Variants in RTF2 observed in about 807,000 individuals in gnomAD.
RTF2 encodes UPF0549 protein C20orf43.
A neutral mutation model predicts 38.0 loss-of-function variants in RTF2; 18 were observed. That is an observed-to-expected ratio of 0.47 (90% CI 0.33 to 0.70). The LOEUF is 0.70. RTF2 is among the 30% of genes least tolerant of loss of function. The pLI, the probability that RTF2 is intolerant of heterozygous loss-of-function variation, is 0.02. For missense variants in RTF2, 311 were observed against 379.6 expected (o/e 0.82, Z 1.50); for synonymous variants, 126 against 137.1 (o/e 0.92, Z 0.57).
chr20:56,471,425 G>A (rs557702293), intron 1 of RTF2, among the ~76,000 whole-genome samples: 5 of 152,182 alleles, frequency 3.3e-5, no homozygotes, highest in South Asian at 4.1e-4. Context: ...AAAAGTTGCC[G>A]GGCATGGTGG....
chr20:56,474,631 T>A (rs373797880), intron 2 of RTF2, 47 bp from the exon 3 acceptor site: 95 of 1,254,870 alleles, frequency 7.6e-5, no homozygotes, highest in Non-Finnish European at 9.7e-5. Flanking sequence ...TCTTTGGTTA[T>A]TTGAAAGTCG....
At chr20:56,469,844 A>T (rs780879997) in intron 1 of RTF2, among the ~76,000 whole-genome samples, 1 of 152,150 alleles carries the variant, frequency 6.6e-6, no homozygotes, top group Non-Finnish European at 1.5e-5. Context: ...TTGTTCTTCA[A>T]CCTGGAGTGT....
chr20:56,510,585 T>G (rs945758646), intron 5 of RTF2, among the ~76,000 whole-genome samples: 8 of 152,168 alleles, frequency 5.3e-5, no homozygotes, highest in Admixed American at 3.3e-4. Flanking sequence ...ACCCAACTCA[T>G]AGGGGGCAGA....
At chr20:56,495,436 C>T in intron 5 of RTF2, 1 of 693,194 alleles carries the variant, frequency 1.4e-6, no homozygotes, top group East Asian at 2.7e-5. Context: ...TCCAACCTTC[C>T]TTGAGATGTT....
intron 5 of RTF2, among the ~76,000 whole-genome samples, chr20:56,506,350 C>G (rs75093147): frequency 6.6e-6 from 1 of 152,100 alleles, no homozygotes; most frequent in Non-Finnish European, 1.5e-5. Flanking sequence ...AACAGGATTC[C>G]GTGATAAGAG....
At chr20:56,485,056 C>T (rs545098237) in intron 5 of RTF2, among the ~76,000 whole-genome samples, 1 of 152,242 alleles carries the variant, frequency 6.6e-6, no homozygotes, top group South Asian at 2.1e-4. Context: ...AGGCCCTTGC[C>T]CTCCTGCATC....
intron 1 of RTF2, among the ~76,000 whole-genome samples, chr20:56,472,860 C>T (rs989900268): frequency 6.6e-6 from 1 of 152,160 alleles, no homozygotes; most frequent in African/African-American, 2.4e-5. Flanking sequence ...CTGACTTCAG[C>T]CAGGCACAGT....
chr20:56,479,656 T>C (rs903836520), intron 4 of RTF2, among the ~76,000 whole-genome samples: 3 of 152,194 alleles, frequency 2.0e-5, no homozygotes, highest in Non-Finnish European at 4.4e-5. Context: ...GAAATGTATT[T>C]TTAAATAAGA....
intron 5 of RTF2, among the ~76,000 whole-genome samples, chr20:56,491,046 A>C (rs768699227): frequency 6.6e-6 from 1 of 151,958 alleles, no homozygotes; most frequent in South Asian, 2.1e-4. Flanking sequence ...TGTGTTTTCT[A>C]CTCCAGATGA....
chr20:56,513,498 G>A, intron 6 of RTF2, 70 bp downstream of exon 6: 2 of 1,540,478 alleles, frequency 1.3e-6, no homozygotes, highest in Non-Finnish European at 1.8e-6. Context: ...TCACTGAACT[G>A]AGCTGGCAGC....
Position 56,478,401 on chromosome 20 carries a change from A to G in RTF2, c.398+1277A>G, listed in dbSNP as rs190451050. 4.0e-3 allele frequency among the ~76,000 whole-genome samples: 616 copies of G among 152,236 alleles called. 4 individuals are homozygous for G. Among genetic ancestry groups the G allele is most frequent in the African/African-American group, 0.014 (582 of 41,544 alleles). ...ACCTCGCTACTTGGGAGGCTGAGGC[A>G]GGAGGATTGCTTGAGCCCAGGAATT... On this transcript the variant is annotated intron_variant, in intron 4 of 8. Transcript: ENST00000357348.
At chr20:56,490,752 G>A (rs1600808267) in intron 5 of RTF2, among the ~76,000 whole-genome samples, 1 of 152,394 alleles carries the variant, frequency 6.6e-6, no homozygotes, top group Non-Finnish European at 1.5e-5. Flanking sequence ...GGGAGGCAGA[G>A]ATTGCGGTGA....
chr20:56,492,125 A>G (rs1327244195), intron 5 of RTF2, among the ~76,000 whole-genome samples: 3 of 152,142 alleles, frequency 2.0e-5, no homozygotes. Flanking sequence ...TCTGAGTTCC[A>G]TGAACTTCTA....
chr20:56,488,029 A>G lies in RTF2; in HGVS notation c.477+3840A>G, dbSNP rs533169939. Among the ~76,000 whole-genome samples the G allele has an allele frequency of 2.0e-5, 3 of 152,354 alleles. No individual in the cohort carries two copies. The South Asian group carries it at 6.2e-4, about 32-fold the overall frequency. ...CAACATATGGATTTTGCAGGGGGGC[A>G]TAATTCAACCCATAATACACAATTT... On this transcript the variant is annotated intron_variant, in intron 5 of 8. Coordinates refer to ENST00000357348, the MANE Select transcript of RTF2 (RefSeq NM_016407.5).
chr20:56,518,634 T>G lies in RTF2; in HGVS notation c.*369T>G, dbSNP rs991837696. 1.2e-5 allele frequency: 2 copies of G among 167,444 alleles called. No homozygotes were observed. The highest frequency in any genetic ancestry group is 2.5e-5 in the Non-Finnish European group (2 of 78,760). The allele number at this position is 167,444 out of a possible 1,614,324, so 10.4% of individuals were successfully genotyped here. On this transcript the variant is annotated 3_prime_UTR_variant, in exon 9 of 9. Transcript: ENST00000357348. ...TTAACTAAAATTCTAATGATCTTGC[T>G]ACCAGCAATAAATCAAGTAGGCCAA...
intron 5 of RTF2, among the ~76,000 whole-genome samples, chr20:56,486,681 TAGC>T (rs1196357019): frequency 3.9e-5 from 6 of 152,038 alleles, no homozygotes; most frequent in Non-Finnish European, 5.9e-5. Context: ...AAAATAAAGT[TAGC>T]AGTTAAAATT....
intron 5 of RTF2, among the ~76,000 whole-genome samples, chr20:56,509,784 C>A (rs1164974589): frequency 6.6e-6 from 1 of 152,112 alleles, no homozygotes; most frequent in Admixed American, 6.5e-5. Context: ...TATGGCCAGT[C>A]ATCCCAATCC....
At position 56,518,382 on chromosome 20, in the gene RTF2, C is replaced by T. The variant is rs1985186685; in HGVS notation, c.*117C>T. ...CTCTCTATAGTTCTGTGTCATAAAG[C>T]TGTCCTGGCCAGCCTTCAAGCTGGT... is the stretch of plus-strand genomic sequence containing the variant. On this transcript the variant is annotated 3_prime_UTR_variant, in exon 9 of 9. Transcript: ENST00000357348. 2 of 1,071,144 alleles carry T rather than the reference C, an allele frequency of 1.9e-6. No homozygotes were observed. The highest frequency in any genetic ancestry group is 1.7e-5 in the South Asian group (1 of 60,062). The allele number at this position is 1,071,144 out of a possible 1,614,324, so 66.4% of individuals were successfully genotyped here.
chr20:56,479,678 A>G lies in RTF2; in HGVS notation c.398+2554A>G, dbSNP rs181421642. On this transcript the variant is annotated intron_variant, in intron 4 of 8. Transcript: ENST00000357348. Reference sequence around the variant, plus strand: ...ATTTTTAAATAAGACTTTAAAGTCAAAGTTCCACCTTGATCCATGGGCTGC... The same window carrying G: ...ATTTTTAAATAAGACTTTAAAGTCAGAGTTCCACCTTGATCCATGGGCTGC... Among the ~76,000 whole-genome samples, 24 of 152,362 alleles carry G rather than the reference A, an allele frequency of 1.6e-4. No homozygotes were observed. The East Asian group carries it at 4.2e-3, about 27-fold the overall frequency.
Sources: allele counts gnomAD v4.1 joint callset (sites outside exome capture counted in the v4.1 genomes callset), GRCh38; gene constraint gnomAD v4.1.1; transcripts MANE v1.5; gene names NCBI Gene and HGNC (gene_info 2026-07-23, HGNC 2026-07-21).